The following GALNTL6 variants were observed in gnomAD, a reference collection of about 807,000 sequenced individuals.
GALNTL6 encodes the protein polypeptide N-acetylgalactosaminyltransferase like 6.
A neutral mutation model predicts 73.7 loss-of-function variants in GALNTL6; 46 were observed. That is an observed-to-expected ratio of 0.62 (90% CI 0.49 to 0.80). The LOEUF is 0.80. Among genes scored for constraint, GALNTL6 ranks in the 30% least tolerant of loss-of-function variants. GALNTL6 has a pLI of 0.00. For missense variants in GALNTL6, 604 were observed against 755.0 expected, an observed-to-expected ratio of 0.80 and a Z score of 2.34; for synonymous variants, 259 against 263.7, an observed-to-expected ratio of 0.98 and a Z score of 0.17.
chr4:172,591,522 T>C (rs1737636057), intron 5 of GALNTL6, among the ~76,000 whole-genome samples: 1 of 152,244 alleles, frequency 6.6e-6, no homozygotes, highest in South Asian at 2.1e-4. Context: ...TTTTAGTTTC[T>C]GAAAAATGAA....
intron 2 of GALNTL6, among the ~76,000 whole-genome samples, chr4:171,845,734 A>C (rs908981977): frequency 6.6e-6 from 1 of 152,204 alleles, no homozygotes; most frequent in African/African-American, 2.4e-5. Flanking sequence ...AAGGAATTCC[A>C]CCTATCAAGC....
At chr4:172,443,160 A>ATATG (rs1731899188) in intron 5 of GALNTL6, among the ~76,000 whole-genome samples, 1 of 109,958 alleles carries the variant, frequency 9.1e-6, no homozygotes, top group Non-Finnish European at 1.8e-5. Context: ...ATATATATAT[A>ATATG]TATTTCTTTT....
intron 5 of GALNTL6, among the ~76,000 whole-genome samples, chr4:172,525,491 A>T (rs888364333): frequency 1.3e-5 from 2 of 152,110 alleles, no homozygotes; most frequent in African/African-American, 4.8e-5. Context: ...TTTCTTAATT[A>T]TTTGTCTGTG....
At chr4:172,387,608 T>C (rs1052909138) in intron 5 of GALNTL6, among the ~76,000 whole-genome samples, 2 of 152,146 alleles carry the variant, frequency 1.3e-5, no homozygotes, top group Non-Finnish European at 2.9e-5. Flanking sequence ...ATGATGTGTC[T>C]AAATGTGGCT....
chr4:172,190,220 A>G (rs889807894), intron 2 of GALNTL6, among the ~76,000 whole-genome samples: 6 of 152,240 alleles, frequency 3.9e-5, no homozygotes, highest in African/African-American at 1.2e-4. Flanking sequence ...CAGATTAAAA[A>G]GGAATATTTA....
chr4:172,535,305 A>G (rs2110858025), intron 5 of GALNTL6, among the ~76,000 whole-genome samples: 1 of 152,330 alleles, frequency 6.6e-6, no homozygotes, highest in African/African-American at 2.4e-5. Flanking sequence ...TAATAGAAAA[A>G]CAGTTTATTC....
chr4:172,382,273 T>C (rs1355883054), intron 5 of GALNTL6, among the ~76,000 whole-genome samples: 2 of 151,986 alleles, frequency 1.3e-5, no homozygotes, highest in Non-Finnish European at 2.9e-5. Flanking sequence ...CCAGCCAATA[T>C]TGTCTTTTTT....
At chr4:172,207,915 C>A (rs1736195349) in intron 2 of GALNTL6, among the ~76,000 whole-genome samples, 1 of 152,160 alleles carries the variant, frequency 6.6e-6, no homozygotes, top group Non-Finnish European at 1.5e-5. Context: ...TATTTTCATT[C>A]TGTATGACTT....
At chr4:172,786,318 A>G (rs1579480058) in intron 5 of GALNTL6, among the ~76,000 whole-genome samples, 1 of 152,184 alleles carries the variant, frequency 6.6e-6, no homozygotes, top group Non-Finnish European at 1.5e-5. Flanking sequence ...TTTGCAAAAT[A>G]TAAGTTTTGG....
chr4:172,625,025 G>T (rs1739111376), intron 5 of GALNTL6, among the ~76,000 whole-genome samples: 1 of 151,752 alleles, frequency 6.6e-6, no homozygotes, highest in African/African-American at 2.4e-5. Context: ...TTGATTCTTT[G>T]TATGGATTTC....
At chr4:172,464,031 A>T (rs1392421303) in intron 5 of GALNTL6, among the ~76,000 whole-genome samples, 2 of 152,046 alleles carry the variant, frequency 1.3e-5, no homozygotes, top group Non-Finnish European at 2.9e-5. Context: ...AGGTTGAGTG[A>T]TGCTCTTTGT....
chr4:172,112,936 A>T (rs1287013675), intron 2 of GALNTL6, among the ~76,000 whole-genome samples: 1 of 151,946 alleles, frequency 6.6e-6, no homozygotes, highest in African/African-American at 2.4e-5. Flanking sequence ...TGGACTACCC[A>T]GCCTACAGAA....
At chr4:171,967,856 A>T (rs1739435685) in intron 2 of GALNTL6, among the ~76,000 whole-genome samples, 3 of 152,046 alleles carry the variant, frequency 2.0e-5, no homozygotes, top group Non-Finnish European at 4.4e-5. Context: ...CCGGCTTCTC[A>T]TTCTGGGTGG....
intron 5 of GALNTL6, among the ~76,000 whole-genome samples, chr4:172,548,655 C>A (rs1195808008): frequency 6.6e-6 from 1 of 152,096 alleles, no homozygotes; most frequent in Non-Finnish European, 1.5e-5. Context: ...TTATAACATC[C>A]TTTCCTAAGT....
At chr4:172,999,600 T>TA (rs1751954743) in intron 10 of GALNTL6, among the ~76,000 whole-genome samples, 2 of 152,290 alleles carry the variant, frequency 1.3e-5, no homozygotes, top group South Asian at 4.1e-4. Flanking sequence ...AGGCATTTCT[T>TA]ACCCTGACCC....
At chr4:172,094,952 TTTG>T (rs1383803282) in intron 2 of GALNTL6, among the ~76,000 whole-genome samples, 1 of 151,894 alleles carries the variant, frequency 6.6e-6, no homozygotes. Flanking sequence ...TTTTTTGTTT[TTTG>T]TTTTTTTTTC....
At chr4:172,550,579 T>C (rs1033155309) in intron 5 of GALNTL6, among the ~76,000 whole-genome samples, 2 of 152,172 alleles carry the variant, frequency 1.3e-5, no homozygotes, top group Non-Finnish European at 2.9e-5. Flanking sequence ...AAACTGCAAA[T>C]TGCAATTTAA....
intron 5 of GALNTL6, among the ~76,000 whole-genome samples, chr4:172,756,309 A>G (rs1244440853): frequency 3.3e-5 from 5 of 152,194 alleles, no homozygotes; most frequent in Non-Finnish European, 5.9e-5. Flanking sequence ...ATAGAACAAC[A>G]CTACTTGAAT....
At chr4:172,717,760 CTTGAAAAA>C (rs1735197192) in intron 5 of GALNTL6, among the ~76,000 whole-genome samples, 2 of 152,134 alleles carry the variant, frequency 1.3e-5, no homozygotes, top group African/African-American at 2.4e-5. Context: ...ATCCTGGTGA[CTTGAAAAA>C]TTAATACATT....
Sources: allele counts gnomAD v4.1 joint callset (sites outside exome capture counted in the v4.1 genomes callset), GRCh38; gene constraint gnomAD v4.1.1; transcripts MANE v1.5; gene names NCBI Gene and HGNC (gene_info 2026-07-23, HGNC 2026-07-21).